TIAM1: variants seen among roughly 807,000 people sequenced by gnomAD.
TIAM1 encodes TIAM Rac1 associated GEF 1.
Under a neutral mutation model 163.5 loss-of-function variants are expected in TIAM1, and 65 were observed. The ratio of observed to expected loss-of-function variants is 0.40; its 90% CI spans 0.33 to 0.49. TIAM1 has a LOEUF of 0.49. Among genes scored for constraint, TIAM1 ranks in the 20% least tolerant of loss-of-function variants. The pLI is 0.77. For missense variants in TIAM1, 1,789 were observed against 2,044.7 expected (o/e 0.87, Z 2.41); for synonymous variants, 833 against 810.1 (o/e 1.03, Z -0.48).
intron 5 of TIAM1, among the ~76,000 whole-genome samples, chr21:31,246,735 TATA>T (rs1463504790): frequency 2.0e-5 from 3 of 152,242 alleles, no homozygotes; most frequent in African/African-American, 4.8e-5. Context: ...TTTCCTAGCC[TATA>T]ATATTTCACA....
chr21:31,505,989 C>T (rs1378732599), intron 1 of TIAM1, among the ~76,000 whole-genome samples: 2 of 127,722 alleles, frequency 1.6e-5, no homozygotes, highest in Admixed American at 9.7e-5. Context: ...CCAGCCTGGG[C>T]GACACGGTGA....
Position 31,223,520 on chromosome 21 carries a change from G to C in TIAM1, c.1881C>G (p.Ser627Arg), listed in dbSNP as rs1283107316. 12 of 1,613,768 alleles carry C rather than the reference G, an allele frequency of 7.4e-6. No homozygotes were observed. Among genetic ancestry groups the C allele is most frequent in the Non-Finnish European group, 9.3e-6 (11 of 1,179,834 alleles). Residue 627 changes from serine to arginine, a missense_variant, in exon 8 of 28, where the codon AGC becomes AGG. Transcript: ENST00000541036. ...DLFRFRCYLA[S>R]LQGGELPNPK... ...GGTTTGGCAGCTCCCCACCCTGAAG[G>C]CTGGCTAAATAACAGCGGAAACGAA...
At chr21:31,251,451 G>C (rs538592993) in intron 5 of TIAM1, among the ~76,000 whole-genome samples, 1 of 152,266 alleles carries the variant, frequency 6.6e-6, no homozygotes, top group South Asian at 2.1e-4. Context: ...GCCTCCCAAA[G>C]TGCTGGGATT....
intron 2 of TIAM1, among the ~76,000 whole-genome samples, chr21:31,333,173 G>A (rs537986222): frequency 9.2e-5 from 14 of 152,268 alleles, no homozygotes; most frequent in African/African-American, 3.1e-4. Context: ...CAGAGGCTAG[G>A]GTTTCTCAGC....
rs753055584 is a variant in TIAM1 at position 31,469,227 on chromosome 21, C to T, written c.-421-5192G>A. Among the ~76,000 whole-genome samples the T allele has an allele frequency of 8.6e-5, 13 of 151,678 alleles. No individual in the cohort carries two copies. The East Asian group carries it at 2.0e-3, about 23-fold the overall frequency. ...TCAGCCTCCCAAGTAGCTGGGACTA[C>T]AGGCACACGCCACCACACCATACCT... is the stretch of plus-strand genomic sequence containing the variant. On this transcript the variant is annotated intron_variant, in intron 1 of 28. Transcript: ENST00000286827.
At position 31,427,992 on chromosome 21, in the gene TIAM1, T is replaced by C. The variant is rs535840061; in HGVS notation, c.-369+35991A>G. On this transcript the variant is annotated intron_variant, in intron 2 of 28. Coordinates refer to the TIAM1 transcript ENST00000286827. ...AGAAACTGAACGCGGCCAGGCGCAG[T>C]GGCTCATGCCTGTAATCCCAGCACT... Among the ~76,000 whole-genome samples the C allele has an allele frequency of 3.3e-5, 5 of 152,348 alleles. No homozygotes were observed. In the East Asian group the frequency reaches 7.7e-4, roughly 23 times the overall value.
chr21:31,513,382 C>A (rs2047276033), intron 1 of TIAM1, among the ~76,000 whole-genome samples: 1 of 152,138 alleles, frequency 6.6e-6, no homozygotes, highest in African/African-American at 2.4e-5. Flanking sequence ...TTGATTTCTT[C>A]ATCAATTTTC....
intron 3 of TIAM1, among the ~76,000 whole-genome samples, 163 bp from the exon 4 acceptor site, chr21:31,267,146 C>A (rs144938986): frequency 1.1e-3 from 173 of 152,226 alleles, no homozygotes; most frequent in African/African-American, 3.9e-3. Context: ...GGTAGGTTCT[C>A]GGACTCTTAC....
chr21:31,274,585 T>G (rs1358156189), intron 3 of TIAM1, among the ~76,000 whole-genome samples: 1 of 152,118 alleles, frequency 6.6e-6, no homozygotes, highest in Non-Finnish European at 1.5e-5. Flanking sequence ...ACAGGATGCC[T>G]CACCCCCTAG....
At chr21:31,478,119 T>C (rs2045993858) in intron 1 of TIAM1, among the ~76,000 whole-genome samples, 1 of 152,226 alleles carries the variant, frequency 6.6e-6, no homozygotes, top group Non-Finnish European at 1.5e-5. Flanking sequence ...TTGCTGGCCT[T>C]ATTGAGCAGG....
At chr21:31,495,815 T>C (rs2046620957) in intron 1 of TIAM1, among the ~76,000 whole-genome samples, 1 of 152,022 alleles carries the variant, frequency 6.6e-6, no homozygotes, top group African/African-American at 2.4e-5. Context: ...CTACTAAAAA[T>C]ACAAAATTTA....
chr21:31,183,925 G>A (rs148318456), intron 14 of TIAM1, among the ~76,000 whole-genome samples: 2 of 149,344 alleles, frequency 1.3e-5, no homozygotes, highest in Non-Finnish European at 3.0e-5. Flanking sequence ...CTGACCTCAG[G>A]TGATCCAAAT....
intron 3 of TIAM1, among the ~76,000 whole-genome samples, chr21:31,268,121 CAG>C (rs905985194): frequency 1.3e-5 from 2 of 152,140 alleles, no homozygotes; most frequent in Non-Finnish European, 2.9e-5. Context: ...AGAAGAAAAA[CAG>C]AGTAACTGGG....
At chr21:31,348,105 C>T (rs538633834), upstream of TIAM1, among the ~76,000 whole-genome samples, 1 of 149,984 alleles carries the variant, frequency 6.7e-6, no homozygotes, top group African/African-American at 2.4e-5. Flanking sequence ...CACTCTCTCT[C>T]TCTATATATT....
chr21:31,468,581 C>G (rs2045618289), intron 1 of TIAM1, among the ~76,000 whole-genome samples: 1 of 151,918 alleles, frequency 6.6e-6, no homozygotes. Context: ...TGGAGACCAT[C>G]CTAGCTAACA....
chr21:31,486,947 G>A (rs1433505875), intron 1 of TIAM1, among the ~76,000 whole-genome samples: 1 of 152,220 alleles, frequency 6.6e-6, no homozygotes, highest in Non-Finnish European at 1.5e-5. Flanking sequence ...AGGACAGGCA[G>A]TGGTGCTAGC....
chr21:31,500,802 T>C (rs975180686), intron 1 of TIAM1, among the ~76,000 whole-genome samples: 4 of 152,146 alleles, frequency 2.6e-5, no homozygotes, highest in African/African-American at 9.7e-5. Context: ...AGAATGAACC[T>C]ACCTGGCCGA....
At chr21:31,231,786 T>C (rs1195312474) in intron 6 of TIAM1, among the ~76,000 whole-genome samples, 2 of 152,016 alleles carry the variant, frequency 1.3e-5, no homozygotes, top group African/African-American at 4.8e-5. Context: ...GAGGCCAAGG[T>C]GGGCGAATCA....
rs535203263 is a variant in TIAM1, at chr21:31,446,715, A to T, written c.-369+17268T>A. The stretch of plus-strand genomic sequence containing the variant: ...AAGAAAGACCTCTAGCCACAGTGGC[A>T]GGCACCATAGCAGCAGCCGGGCCAC... On this transcript the variant is annotated intron_variant, in intron 2 of 28. Transcript: ENST00000286827. Among the ~76,000 whole-genome samples the T allele has an allele frequency of 9.8e-5, 15 of 152,296 alleles. No homozygotes were observed. In the South Asian group the frequency reaches 1.2e-3, roughly 13 times the overall value.
Sources: allele counts gnomAD v4.1 joint callset (sites outside exome capture counted in the v4.1 genomes callset), GRCh38; gene constraint gnomAD v4.1.1; transcripts MANE v1.5; gene names NCBI Gene and HGNC (gene_info 2026-07-23, HGNC 2026-07-21).